CNTNAP2: variants seen among roughly 807,000 people sequenced by gnomAD.
The protein encoded by CNTNAP2 is contactin associated protein 2.
Under a neutral mutation model 155.2 loss-of-function variants are expected in CNTNAP2, and 98 were observed. The observed-to-expected ratio is 0.63, with a 90% CI of 0.54 to 0.75. CNTNAP2 has a LOEUF of 0.75. CNTNAP2 is among the 30% of genes least tolerant of loss of function. The probability of loss-of-function intolerance (pLI) is 0.00; values close to 1 mark genes in which losing one functional copy is unlikely to be tolerated. For missense variants in CNTNAP2, 1,727 were observed against 1,688.1 expected (o/e 1.02, Z -0.40); for synonymous variants, 651 against 631.2 (o/e 1.03, Z -0.47).
At chr7:146,884,151 C>A (rs575724065) in intron 3 of CNTNAP2, among the ~76,000 whole-genome samples, 1 of 152,172 alleles carries the variant, frequency 6.6e-6, no homozygotes, top group Non-Finnish European at 1.5e-5. Context: ...ATATTCAAGA[C>A]CTGCAGTTAG....
At chr7:146,768,268 G>C (rs1463901667) in intron 1 of CNTNAP2, among the ~76,000 whole-genome samples, 1 of 151,396 alleles carries the variant, frequency 6.6e-6, no homozygotes, top group Non-Finnish European at 1.5e-5. Flanking sequence ...TGAACGAAAA[G>C]CTCTTCTATG....
chr7:147,651,456 G>T (rs754093877), intron 13 of CNTNAP2, among the ~76,000 whole-genome samples: 1 of 152,168 alleles, frequency 6.6e-6, no homozygotes, highest in African/African-American at 2.4e-5. Flanking sequence ...AGATAAAACC[G>T]ACCATCACAG....
At chr7:146,628,622 TAAAAAATA>T (rs911455074) in intron 1 of CNTNAP2, among the ~76,000 whole-genome samples, 1 of 152,018 alleles carries the variant, frequency 6.6e-6, no homozygotes, top group Admixed American at 6.6e-5. Flanking sequence ...ATGTCAATTT[TAAAAAATA>T]AAAAAATGAA....
chr7:147,329,251 G>A (rs67466749), intron 9 of CNTNAP2, among the ~76,000 whole-genome samples: 29,292 of 151,776 alleles, frequency 0.19, 3,128 homozygotes, highest in Non-Finnish European at 0.24. Flanking sequence ...GTGAAGGTGG[G>A]TGAACCATCT....
At chr7:146,970,901 G>A (rs1797778114) in intron 3 of CNTNAP2, among the ~76,000 whole-genome samples, 1 of 152,096 alleles carries the variant, frequency 6.6e-6, no homozygotes, top group South Asian at 2.1e-4. Context: ...ATGCGTTCAT[G>A]TCCTTTGTAG....
intron 11 of CNTNAP2, among the ~76,000 whole-genome samples, chr7:147,500,093 T>TAAAA (rs72064204): frequency 3.9e-5 from 3 of 76,250 alleles, no homozygotes; most frequent in African/African-American, 1.6e-4. Flanking sequence ...AGATTTTTTT[T>TAAAA]TAAAAAAACT....
intron 8 of CNTNAP2, among the ~76,000 whole-genome samples, chr7:147,198,490 C>T (rs1802853834): frequency 6.6e-6 from 1 of 152,170 alleles, no homozygotes; most frequent in African/African-American, 2.4e-5. Context: ...CCTCAGCCTC[C>T]CAGAGTGCTG....
intron 13 of CNTNAP2, among the ~76,000 whole-genome samples, chr7:147,745,531 G>C (rs78265987): frequency 1.3e-5 from 2 of 152,132 alleles, no homozygotes; most frequent in Non-Finnish European, 2.9e-5. Flanking sequence ...TCCTTTTCTT[G>C]AAATTCCATA....
chr7:147,606,947 G>T (rs886855865), intron 12 of CNTNAP2, among the ~76,000 whole-genome samples: 1 of 151,852 alleles, frequency 6.6e-6, no homozygotes, highest in African/African-American at 2.4e-5. Flanking sequence ...TTTTTAATGA[G>T]TGAAATCACC....
chr7:146,465,406 G>T (rs535703883), intron 1 of CNTNAP2, among the ~76,000 whole-genome samples: 27 of 152,268 alleles, frequency 1.8e-4, no homozygotes, highest in African/African-American at 6.0e-4. Flanking sequence ...CCAGCTGTGG[G>T]TCTTGTTCTT....
intron 1 of CNTNAP2, among the ~76,000 whole-genome samples, chr7:146,463,744 A>T (rs1179751053): frequency 6.6e-6 from 1 of 152,132 alleles, no homozygotes; most frequent in Non-Finnish European, 1.5e-5. Context: ...AGAGTAACTT[A>T]AAATATTTTG....
chr7:147,910,481 C>A (rs2116762906), intron 14 of CNTNAP2, among the ~76,000 whole-genome samples: 1 of 152,238 alleles, frequency 6.6e-6, no homozygotes, highest in South Asian at 2.1e-4. Context: ...TCGGGGCAAG[C>A]AACTTTAGAC....
chr7:146,766,735 A>G (rs1440943289), intron 1 of CNTNAP2, among the ~76,000 whole-genome samples: 4 of 152,204 alleles, frequency 2.6e-5, no homozygotes, highest in East Asian at 1.9e-4. Flanking sequence ...AATGATTGCT[A>G]TTACTATCAA....
intron 15 of CNTNAP2, among the ~76,000 whole-genome samples, chr7:148,010,128 G>C (rs1409551157): frequency 6.6e-6 from 1 of 151,898 alleles, no homozygotes; most frequent in Non-Finnish European, 1.5e-5. Flanking sequence ...AAATGAATGA[G>C]GCTAAACTAA....
At chr7:148,176,371 A>AT (rs1217261772) in intron 18 of CNTNAP2, among the ~76,000 whole-genome samples, 1 of 151,436 alleles carries the variant, frequency 6.6e-6, no homozygotes, top group Non-Finnish European at 1.5e-5. Flanking sequence ...ACAGGCACCC[A>AT]TCACCACATC....
intron 15 of CNTNAP2, among the ~76,000 whole-genome samples, chr7:148,116,971 G>T (rs931153673): frequency 6.6e-6 from 1 of 152,152 alleles, no homozygotes; most frequent in Admixed American, 6.5e-5. Flanking sequence ...ATATATTTTA[G>T]TCTTTAGCTG....
intron 13 of CNTNAP2, among the ~76,000 whole-genome samples, chr7:147,772,245 G>A (rs1415419651): frequency 6.6e-6 from 1 of 151,218 alleles, no homozygotes; most frequent in Non-Finnish European, 1.5e-5. Context: ...CCAACATAGT[G>A]AAATTGCGTC....
chr7:147,476,395 G>A (rs536897862), intron 10 of CNTNAP2, among the ~76,000 whole-genome samples: 27 of 151,798 alleles, frequency 1.8e-4, no homozygotes, highest in South Asian at 6.3e-4. Flanking sequence ...GTGAGCCACC[G>A]CGCCCACCTC....
At chr7:147,740,501 G>T (rs1167970644) in intron 13 of CNTNAP2, among the ~76,000 whole-genome samples, 4 of 152,154 alleles carry the variant, frequency 2.6e-5, no homozygotes, top group African/African-American at 9.7e-5. Flanking sequence ...AAAATTGTCA[G>T]ATGTAACAAA....
Sources: gnomAD v4.1 joint callset for allele counts (sites outside exome capture counted in the v4.1 genomes callset) on GRCh38, gnomAD v4.1.1 for gene constraint, MANE v1.5 for transcripts, NCBI Gene and HGNC (gene_info 2026-07-23, HGNC 2026-07-21) for gene names.